Variants in TMA16 observed in about 807,000 individuals in gnomAD.
TMA16 encodes the protein translation machinery associated 16 homolog.
Under a neutral mutation model 27.1 loss-of-function variants are expected in TMA16, and 26 were observed. That is an observed-to-expected ratio of 0.96 (90% CI 0.70 to 1.33). TMA16 has a LOEUF of 1.33. TMA16 is among the 40% of genes most tolerant of loss of function. The pLI is 0.00. For synonymous variants in TMA16, 71 were observed against 81.9 expected (o/e 0.87, Z 0.72); for missense variants, 233 against 241.4 (o/e 0.97, Z 0.23).
At position 163,514,022 on chromosome 4, in the gene TMA16, T is replaced by G. The variant is rs573145503; in HGVS notation, c.155-52T>G. The G allele has an allele frequency of 8.2e-6, 11 of 1,348,130 alleles. No homozygotes were observed. The East Asian group carries it at 2.7e-4, about 33-fold the overall frequency. The allele number at this position is 1,348,130 out of a possible 1,614,324, so 83.5% of individuals were successfully genotyped here. A position where few individuals can be genotyped will look rare whatever the true frequency, so the allele number is the denominator to read the frequency against. ...TTGAAAATGATAATGAATATTTACT[T>G]GCTTAAATGATGACTTGTGGGGTAA... is the stretch of plus-strand genomic sequence containing the variant. On this transcript the variant is annotated intron_variant, in intron 3 of 6. Coordinates refer to ENST00000358572, the MANE Select transcript of TMA16 (RefSeq NM_018352.3).
In TMA16 at chr4:163,503,946, T is replaced by G. The variant is rs1057061484; in HGVS notation, c.4-3087T>G. Among the ~76,000 whole-genome samples the G allele has an allele frequency of 2.6e-5, 4 of 152,202 alleles. 1 individual carries two copies. ...ATTATAAGGAATCATAACTTACAGT[T>G]GAGTCAAAAAATAAGTTAATTTCTT... On this transcript the variant is annotated intron_variant, in intron 1 of 6. Transcript: ENST00000358572.
intron 1 of TMA16, among the ~76,000 whole-genome samples, chr4:163,497,073 T>C (rs1411328555): frequency 1.3e-5 from 2 of 152,212 alleles, no homozygotes; most frequent in African/African-American, 4.8e-5. Flanking sequence ...AGCTAGACTA[T>C]ATACCATTGA....
chr4:163,496,420 C>T (rs1737553696), intron 1 of TMA16, among the ~76,000 whole-genome samples: 1 of 152,118 alleles, frequency 6.6e-6, no homozygotes. Context: ...TATAGTTGTT[C>T]ATCCTTGTTA....
At chr4:163,502,812 CAAA>C (rs1309545771) in intron 1 of TMA16, among the ~76,000 whole-genome samples, 1 of 151,904 alleles carries the variant, frequency 6.6e-6, no homozygotes. Context: ...AGATTCACTG[CAAA>C]AAAAGTGTAG....
At chr4:163,495,905 C>T (rs1420907219) in intron 1 of TMA16, among the ~76,000 whole-genome samples, 1 of 152,152 alleles carries the variant, frequency 6.6e-6, no homozygotes, top group East Asian at 1.9e-4. Context: ...GGATTTCCAA[C>T]TCTTTATAGT....
At position 163,519,729 on chromosome 4, in the gene TMA16, C is replaced by G. The variant is rs1295667002; in HGVS notation, c.*215C>G. On this transcript the variant is annotated 3_prime_UTR_variant, in exon 7 of 7. Coordinates refer to ENST00000358572, the MANE Select transcript of TMA16 (RefSeq NM_018352.3). Reference sequence around the variant, plus strand: ...AGTTGCTAAAATAGATAGATGTGATCTGCAGAAGTTGTTTAGTCTTCATCT... The same window carrying G: ...AGTTGCTAAAATAGATAGATGTGATGTGCAGAAGTTGTTTAGTCTTCATCT... 3 of 542,610 alleles carry G rather than the reference C, an allele frequency of 5.5e-6. No homozygotes were observed. In the East Asian group the frequency reaches 1.0e-4, roughly 18 times the overall value. The allele number at this position is 542,610 out of a possible 1,614,324, so 33.6% of individuals were successfully genotyped here. A position where few individuals can be genotyped will look rare whatever the true frequency, so the allele number is the denominator to read the frequency against.
At chr4:163,494,913 T>C (rs758566388) in intron 1 of TMA16, 109 bp downstream of exon 1, 1 of 1,497,542 alleles carries the variant, frequency 6.7e-7, no homozygotes. Flanking sequence ...GAGGGGAGGA[T>C]GCAAAGTGTT....
At chr4:163,512,724 A>T in intron 2 of TMA16, 98 bp from the exon 3 acceptor site, 1 of 766,328 alleles carries the variant, frequency 1.3e-6, no homozygotes, top group Non-Finnish European at 2.1e-6. Context: ...CCTTTTAATT[A>T]GAGTTCTTTA....
chr4:163,499,880 A>T (rs1275945471), intron 1 of TMA16, among the ~76,000 whole-genome samples: 2 of 152,230 alleles, frequency 1.3e-5, no homozygotes, highest in African/African-American at 4.8e-5. Flanking sequence ...CTAAAACTTG[A>T]ACACACAGCA....
chr4:163,500,210 C>CT (rs34832261), intron 1 of TMA16, among the ~76,000 whole-genome samples: 5,437 of 132,250 alleles, frequency 0.041, 271 homozygotes, highest in African/African-American at 0.12. Flanking sequence ...TTCTTTCTTT[C>CT]TTTTTTTTTT....
chr4:163,497,614 C>T (rs1737577549), intron 1 of TMA16, among the ~76,000 whole-genome samples: 2 of 152,164 alleles, frequency 1.3e-5, no homozygotes, highest in African/African-American at 2.4e-5. Context: ...AATCCAGCAG[C>T]ATGGCATCTT....
intron 1 of TMA16, among the ~76,000 whole-genome samples, chr4:163,497,305 T>TG (rs1209989884): frequency 6.6e-6 from 1 of 152,250 alleles, no homozygotes; most frequent in Non-Finnish European, 1.5e-5. Flanking sequence ...AATGGAAATC[T>TG]ACCTAGTATA....
rs143935973 is a variant in TMA16, at chr4:163,503,251, G to A, written c.4-3782G>A. Among the ~76,000 whole-genome samples the A allele has an allele frequency of 3.1e-3, 465 of 152,132 alleles. 4 individuals carry two copies. The highest frequency in any genetic ancestry group is 0.011 in the African/African-American group (451 of 41,502). ...GCATGCCTGTATTTTTATGTTTAAG[G>A]GTATTATGATGTTTACAGTATTGCA... On this transcript the variant is annotated intron_variant, in intron 1 of 6. Coordinates refer to ENST00000358572, the MANE Select transcript of TMA16 (RefSeq NM_018352.3).
At position 163,517,319 on chromosome 4, in the gene TMA16, CTT is replaced by C. The variant is rs1361086642; in HGVS notation, c.389-114_389-113del. ...ATTTTTCATGTTAATTACAGCAATA[CTT>C]CGAAATTTTGTTTTCTGTTGGATAT... On this transcript the variant is annotated intron_variant, in intron 5 of 6. Transcript: ENST00000358572. 38 of 1,018,902 alleles carry C rather than the reference CTT, an allele frequency of 3.7e-5. 1 individual carries two copies. In the African/African-American group the frequency reaches 5.4e-4, roughly 15 times the overall value. 63.1% of individuals were successfully genotyped at this position (1,018,902 alleles called of 1,614,324 possible).
chr4:163,509,725 A>G (rs1737766218), intron 2 of TMA16, among the ~76,000 whole-genome samples: 1 of 152,212 alleles, frequency 6.6e-6, no homozygotes, highest in South Asian at 2.1e-4. Context: ...ACTGTATGAC[A>G]GGAACTAGGA....
intron 1 of TMA16, among the ~76,000 whole-genome samples, chr4:163,506,333 A>G (rs1737718206): frequency 6.6e-6 from 1 of 152,118 alleles, no homozygotes; most frequent in Non-Finnish European, 1.5e-5. Flanking sequence ...GGGTTATGCC[A>G]TTATTTGGGG....
intron 5 of TMA16, among the ~76,000 whole-genome samples, chr4:163,516,806 A>G (rs1288364702): frequency 3.3e-5 from 5 of 152,120 alleles, no homozygotes; most frequent in Non-Finnish European, 7.4e-5. Flanking sequence ...TTTTTTAAAC[A>G]TTAATTCTTG....
intron 2 of TMA16, among the ~76,000 whole-genome samples, chr4:163,509,895 A>G (rs888889938): frequency 5.9e-5 from 9 of 152,244 alleles, no homozygotes; most frequent in African/African-American, 1.9e-4. Flanking sequence ...GAAGATTAAC[A>G]AAGGAAACTA....
At chr4:163,513,559 C>T (rs1737828375) in intron 3 of TMA16, among the ~76,000 whole-genome samples, 1 of 152,102 alleles carries the variant, frequency 6.6e-6, no homozygotes, top group African/African-American at 2.4e-5. Flanking sequence ...CCTGGCAGCT[C>T]TTATATGCTT....
Sources: allele counts gnomAD v4.1 joint callset (sites outside exome capture counted in the v4.1 genomes callset), GRCh38; gene constraint gnomAD v4.1.1; transcripts MANE v1.5; gene names NCBI Gene and HGNC (gene_info 2026-07-23, HGNC 2026-07-21).